SEMA3E: variants seen among roughly 807,000 people sequenced by gnomAD.
SEMA3E encodes semaphorin-3E.
Under a neutral mutation model 93.6 loss-of-function variants are expected in SEMA3E, and 49 were observed. The ratio of observed to expected loss-of-function variants is 0.52; its 90% CI spans 0.42 to 0.66. SEMA3E has a LOEUF of 0.66. Ranked by LOEUF, SEMA3E falls within the 30% of genes least tolerant of loss-of-function variation. SEMA3E has a pLI of 0.00. For synonymous variants in SEMA3E, 363 were observed against 330.7 expected, an observed-to-expected ratio of 1.10 and a Z score of -1.06; for missense variants, 906 against 964.8, an observed-to-expected ratio of 0.94 and a Z score of 0.81.
At chr7:83,445,444 A>T (rs1290449780) in intron 4 of SEMA3E, among the ~76,000 whole-genome samples, 5 of 152,216 alleles carry the variant, frequency 3.3e-5, no homozygotes, top group African/African-American at 1.2e-4. Context: ...GGGGCCGGGC[A>T]CGGTGGCTCA....
At chr7:83,474,763 G>A (rs1360054164) in intron 2 of SEMA3E, among the ~76,000 whole-genome samples, 4 of 152,112 alleles carry the variant, frequency 2.6e-5, no homozygotes, top group African/African-American at 4.8e-5. Flanking sequence ...ACTATAGGTC[G>A]AATCCTAGAA....
intron 4 of SEMA3E, among the ~76,000 whole-genome samples, chr7:83,424,607 A>G (rs1407437788): frequency 2.0e-5 from 3 of 152,194 alleles, no homozygotes; most frequent in African/African-American, 7.2e-5. Context: ...CACAACAGGC[A>G]TAATAACGGA....
At chr7:83,451,781 A>G (rs1334576557) in intron 4 of SEMA3E, among the ~76,000 whole-genome samples, 1 of 152,248 alleles carries the variant, frequency 6.6e-6, no homozygotes, top group South Asian at 2.1e-4. Flanking sequence ...ACCGGTTTTT[A>G]AAAGTATGCT....
intron 1 of SEMA3E, among the ~76,000 whole-genome samples, chr7:83,497,266 G>A (rs1161384079): frequency 4.6e-5 from 7 of 152,062 alleles, no homozygotes; most frequent in Non-Finnish European, 8.8e-5. Flanking sequence ...CCTTGTGTAC[G>A]ATGAAGGAGA....
intron 16 of SEMA3E, among the ~76,000 whole-genome samples, chr7:83,374,206 C>CAAAAAAAAAAAAA (rs71074647): frequency 2.1e-5 from 2 of 93,304 alleles, no homozygotes; most frequent in African/African-American, 8.8e-5. Context: ...AACTGCGTCT[C>CAAAAAAAAAAAAA]AAAAAAAAAA....
At chr7:83,544,545 T>A (rs1482047567) in intron 1 of SEMA3E, among the ~76,000 whole-genome samples, 1 of 152,152 alleles carries the variant, frequency 6.6e-6, no homozygotes, top group Non-Finnish European at 1.5e-5. Context: ...AGTGCTCACA[T>A]GTATGCTTTT....
chr7:83,499,216 G>C (rs947277203), intron 1 of SEMA3E, among the ~76,000 whole-genome samples: 1 of 152,102 alleles, frequency 6.6e-6, no homozygotes, highest in Non-Finnish European at 1.5e-5. Context: ...TCCATTCACA[G>C]ATGTGCAAAT....
chr7:83,520,753 A>C (rs539835134), intron 1 of SEMA3E, among the ~76,000 whole-genome samples: 7 of 152,232 alleles, frequency 4.6e-5, no homozygotes, highest in African/African-American at 1.7e-4. Flanking sequence ...TCCTAAAGAC[A>C]CAGCTATTCA....
rs1794622115 is a variant in SEMA3E at position 83,363,859 on chromosome 7, CATTTTTTTTTTTTTTTTTTTTTTT to C, written c.*3703_*3726del. The C allele has an allele frequency of 8.0e-5, 8 of 100,558 alleles. 1 individual carries two copies. The highest frequency in any genetic ancestry group is 3.3e-4 in the African/African-American group (7 of 21,430). 6.2% of individuals were successfully genotyped at this position (100,558 alleles called of 1,614,324 possible). ...AGGCTACAGGTGTCACAGGTCAATT[CATTTTTTTTTTTTTTTTTTTTTTT>C]TTTTTTTTTTTTTTTTTTTTTTGAG... On this transcript the variant is annotated 3_prime_UTR_variant, in exon 17 of 17. Transcript: ENST00000643230.
intron 1 of SEMA3E, among the ~76,000 whole-genome samples, chr7:83,572,854 C>T (rs1342682297): frequency 2.0e-5 from 3 of 151,972 alleles, no homozygotes; most frequent in African/African-American, 7.2e-5. Flanking sequence ...TATTTTTTAT[C>T]ATATACAAGA....
chr7:83,375,119 A>G (rs1794802936), intron 16 of SEMA3E, among the ~76,000 whole-genome samples: 1 of 152,152 alleles, frequency 6.6e-6, no homozygotes, highest in African/African-American at 2.4e-5. Context: ...AAGTTTAAAA[A>G]GAATGAAGGT....
intron 1 of SEMA3E, among the ~76,000 whole-genome samples, chr7:83,512,041 T>C (rs1790835062): frequency 6.6e-6 from 1 of 152,196 alleles, no homozygotes; most frequent in South Asian, 2.1e-4. Context: ...TTACGATTCA[T>C]TAGTTTTATT....
intron 1 of SEMA3E, among the ~76,000 whole-genome samples, chr7:83,606,611 G>C: frequency 7.4e-6 from 1 of 135,700 alleles, no homozygotes; most frequent in Middle Eastern, 3.6e-3. Context: ...GGGGACTGTG[G>C]TGGGGTCGGG....
intron 1 of SEMA3E, among the ~76,000 whole-genome samples, chr7:83,575,927 G>A (rs1792392967): frequency 6.6e-6 from 1 of 152,134 alleles, no homozygotes; most frequent in African/African-American, 2.4e-5. Context: ...GTTTGTTAAT[G>A]TAGCACTCAG....
At chr7:83,463,286 A>G in intron 4 of SEMA3E, among the ~76,000 whole-genome samples, 1 of 151,946 alleles carries the variant, frequency 6.6e-6, no homozygotes, top group East Asian at 2.0e-4. Context: ...TTACTGTTTT[A>G]GCCTAGCCAT....
At chr7:83,564,003 A>C (rs897436882) in intron 1 of SEMA3E, among the ~76,000 whole-genome samples, 1 of 152,192 alleles carries the variant, frequency 6.6e-6, no homozygotes, top group Non-Finnish European at 1.5e-5. Flanking sequence ...CTGATTGTGC[A>C]TGCAGATAGT....
intron 1 of SEMA3E, among the ~76,000 whole-genome samples, chr7:83,510,191 A>G (rs1790788442): frequency 1.3e-5 from 2 of 152,176 alleles, no homozygotes; most frequent in African/African-American, 4.8e-5. Flanking sequence ...AATCCTGTCA[A>G]ATCCACTCCA....
chr7:83,645,915 A>G (rs10270789), intron 1 of SEMA3E, among the ~76,000 whole-genome samples: 12,358 of 152,050 alleles, frequency 0.081, 1,423 homozygotes, highest in African/African-American at 0.26. Flanking sequence ...CACGCTCTGT[A>G]TATGATAAAC....
At chr7:83,469,855 G>T (rs1451947194) in intron 2 of SEMA3E, among the ~76,000 whole-genome samples, 1 of 152,002 alleles carries the variant, frequency 6.6e-6, no homozygotes, top group East Asian at 1.9e-4. Context: ...GGAGTGCAGC[G>T]GTGTGATCTC....
Sources: allele counts gnomAD v4.1 joint callset (sites outside exome capture counted in the v4.1 genomes callset), GRCh38; gene constraint gnomAD v4.1.1; transcripts MANE v1.5; gene names NCBI Gene and HGNC (gene_info 2026-07-23, HGNC 2026-07-21).